The following ANKRD28 variants were observed in gnomAD, a reference collection of about 807,000 sequenced individuals.
ANKRD28 encodes ankyrin repeat domain 28.
ANKRD28 carries 44 observed loss-of-function variants against 126.5 expected under a neutral mutation model. That is an observed-to-expected ratio of 0.35 (90% CI 0.27 to 0.45). The LOEUF is 0.45. Ranked by LOEUF, ANKRD28 falls within the 20% of genes least tolerant of loss-of-function variation. The pLI, the probability that ANKRD28 is intolerant of heterozygous loss-of-function variation, is 1.00. For missense variants in ANKRD28, 1,110 were observed against 1,316.6 expected, an observed-to-expected ratio of 0.84 and a Z score of 2.43; for synonymous variants, 442 against 468.5, an observed-to-expected ratio of 0.94 and a Z score of 0.73.
exon 1 of ANKRD28, chr3:15,859,454 C>CTGCCGT: frequency 6.8e-7 from 1 of 1,464,328 alleles, no homozygotes; most frequent in Non-Finnish European, 9.0e-7. Context: ...GCCGCTGCCG[C>CTGCCGT]TGCCGCCGCC....
In ANKRD28 at chr3:15,797,210, A is replaced by C. The variant is rs201326296; in HGVS notation, c.-689T>G. 0.068 allele frequency: 34,705 copies of C among 511,624 alleles called. 130 individuals carry two copies. The highest frequency in any genetic ancestry group is 0.3 in the Admixed American group (1,156 of 3,874). 31.7% of individuals were successfully genotyped at this position (511,624 alleles called of 1,614,324 possible). A position where few individuals can be genotyped will look rare whatever the true frequency, so the allele number is the denominator to read the frequency against. ...TGGGAAAGGGGCAAAAAACAAAAACAAAAAAAAAAAAACCACTCTGCATTA... is the reference window on the plus strand; with the variant it reads ...TGGGAAAGGGGCAAAAAACAAAAACCAAAAAAAAAAAACCACTCTGCATTA... On this transcript the variant is annotated 5_prime_UTR_variant, in exon 1 of 28. Transcript: ENST00000683139.
rs1392755083 is a variant in ANKRD28, at chr3:15,708,085, C to T, written c.1407-21G>A. On this transcript the variant is annotated intron_variant, in intron 13 of 27. Coordinates refer to ENST00000683139, the MANE Select transcript of ANKRD28 (RefSeq NM_001349278.2). ...GAGATCTTTTGGGTCCAAGTTAATA[C>T]AAGAAAGATAAAAGCCAGAGACATA... 1.6e-5 allele frequency: 25 copies of T among 1,583,794 alleles called. No individual in the cohort carries two copies. In the East Asian group the frequency reaches 5.7e-4, roughly 36 times the overall value.
intron 1 of ANKRD28, among the ~76,000 whole-genome samples, chr3:15,823,633 AAACT>A (rs780207843): frequency 2.2e-4 from 33 of 152,206 alleles, no homozygotes; most frequent in African/African-American, 7.7e-4. Context: ...AGGAAACAAT[AAACT>A]AACATCCCTT....
At chr3:15,849,174 A>C (rs554045265) in intron 1 of ANKRD28, among the ~76,000 whole-genome samples, 3 of 152,346 alleles carry the variant, frequency 2.0e-5, no homozygotes, top group Non-Finnish European at 4.4e-5. Context: ...ATAAATGGAA[A>C]GCATCCCATG....
intron 1 of ANKRD28, among the ~76,000 whole-genome samples, chr3:15,847,587 T>C (rs189307865): frequency 8.5e-5 from 13 of 152,344 alleles, no homozygotes; most frequent in African/African-American, 2.6e-4. Context: ...TCTTCCAGCA[T>C]GCTCTAAATC....
chr3:15,677,309 G>A (rs2125661785), intron 25 of ANKRD28, among the ~76,000 whole-genome samples, 171 bp downstream of exon 25: 1 of 152,248 alleles, frequency 6.6e-6, no homozygotes, highest in South Asian at 2.1e-4. Flanking sequence ...TGGCTTACTG[G>A]AGACTTTGAT....
chr3:15,856,384 G>C (rs2061767400), intron 1 of ANKRD28, among the ~76,000 whole-genome samples: 1 of 152,134 alleles, frequency 6.6e-6, no homozygotes. Flanking sequence ...CCTAAACAAT[G>C]ATCTTCTACC....
intron 17 of ANKRD28, among the ~76,000 whole-genome samples, chr3:15,693,045 A>T (rs570885664): frequency 6.7e-4 from 102 of 152,342 alleles, no homozygotes; most frequent in African/African-American, 2.4e-3. Context: ...AGGTGTCTAG[A>T]TTAGTCAAAT....
intron 4 of ANKRD28, among the ~76,000 whole-genome samples, chr3:15,749,095 G>T (rs1311063965): frequency 2.1e-3 from 227 of 106,772 alleles, no homozygotes; most frequent in African/African-American, 4.3e-3. Flanking sequence ...TCTATATTAT[G>T]TTTTTGTTTT....
rs1249796998 is a variant in ANKRD28, at chr3:15,762,217, AAC to A, written c.280+4015_280+4016del. Among the ~76,000 whole-genome samples, 205 of 39,488 alleles carry A rather than the reference AAC, an allele frequency of 5.2e-3. 5 individuals are homozygous for A. The highest frequency in any genetic ancestry group is 0.011 in the African/African-American group (199 of 18,176). 25.9% of individuals were successfully genotyped at this position (39,488 alleles called of 152,430 possible). A position where few individuals can be genotyped will look rare whatever the true frequency, so the allele number is the denominator to read the frequency against. ...AAAAAAAAAAAAAAAAAAAAAACAA[AAC>A]AAAAAAAAAAAAACTCTCCTGGTTC... On this transcript the variant is annotated intron_variant, in intron 3 of 27. Coordinates refer to ENST00000683139, the MANE Select transcript of ANKRD28 (RefSeq NM_001349278.2).
At chr3:15,820,018 G>A (rs1348866308) in intron 1 of ANKRD28, among the ~76,000 whole-genome samples, 1 of 152,046 alleles carries the variant, frequency 6.6e-6, no homozygotes, top group African/African-American at 2.4e-5. Context: ...ATATTAATTT[G>A]GTCACATGGT....
intron 1 of ANKRD28, among the ~76,000 whole-genome samples, chr3:15,813,551 T>C (rs1365184752): frequency 6.6e-6 from 1 of 152,170 alleles, no homozygotes; most frequent in African/African-American, 2.4e-5. Flanking sequence ...TGCACCTTGG[T>C]AATGACAAAA....
chr3:15,711,068 C>T (rs575732816), intron 12 of ANKRD28, 143 bp downstream of exon 12: 37 of 626,138 alleles, frequency 5.9e-5, no homozygotes, highest in Admixed American at 3.0e-4. Context: ...ATTCTGCCAC[C>T]CTGGACTTTT....
chr3:15,735,593 A>T, intron 5 of ANKRD28, 96 bp from the exon 6 acceptor site: 1 of 928,416 alleles, frequency 1.1e-6, no homozygotes, highest in Non-Finnish European at 1.6e-6. Flanking sequence ...CTTCTCTGGC[A>T]CTAAATTTCT....
chr3:15,672,702 G>A (rs1182285036), intron 27 of ANKRD28, among the ~76,000 whole-genome samples: 8 of 152,140 alleles, frequency 5.3e-5, no homozygotes, highest in African/African-American at 1.7e-4. Context: ...GGATGAGAGC[G>A]GGAGTGGGGA....
At chr3:15,710,230 T>C (rs2126050894) in intron 12 of ANKRD28, among the ~76,000 whole-genome samples, 1 of 152,300 alleles carries the variant, frequency 6.6e-6, no homozygotes, top group African/African-American at 2.4e-5. Flanking sequence ...TCTCCTATAC[T>C]ATGACTGTTT....
chr3:15,678,137 G>C (rs187526139), intron 24 of ANKRD28, 72 bp downstream of exon 24: 8 of 1,414,964 alleles, frequency 5.7e-6, no homozygotes, highest in Non-Finnish European at 5.6e-6. Flanking sequence ...GAAGTCAGAA[G>C]TCTTGGGATC....
intron 1 of ANKRD28, among the ~76,000 whole-genome samples, chr3:15,852,461 TA>T (rs1357085005): frequency 6.6e-6 from 1 of 152,228 alleles, no homozygotes; most frequent in Non-Finnish European, 1.5e-5. Context: ...TCTTTGGACT[TA>T]AATCCTGAGG....
At chr3:15,785,599 C>T (rs187988697) in intron 2 of ANKRD28, among the ~76,000 whole-genome samples, 11 of 152,180 alleles carry the variant, frequency 7.2e-5, no homozygotes, top group Admixed American at 7.2e-4. Flanking sequence ...TAGAGACTCT[C>T]ATTTATACCT....
Sources: gnomAD v4.1 joint callset for allele counts (sites outside exome capture counted in the v4.1 genomes callset) on GRCh38, gnomAD v4.1.1 for gene constraint, MANE v1.5 for transcripts, NCBI Gene and HGNC (gene_info 2026-07-23, HGNC 2026-07-21) for gene names.